The following TBCK variants were observed in gnomAD, a reference collection of about 807,000 sequenced individuals.
TBCK encodes the protein TBC1 domain containing kinase, also known as TBC domain-containing protein kinase-like protein.
TBCK carries 99 observed loss-of-function variants against 113.4 expected under a neutral mutation model. The ratio of observed to expected loss-of-function variants is 0.87; its 90% CI spans 0.74 to 1.03. The LOEUF is 1.03. Ranked by LOEUF, TBCK falls within the 50% of genes least tolerant of loss-of-function variation. TBCK has a pLI of 0.00. For synonymous variants in TBCK, 369 were observed against 370.8 expected (o/e 1.00, Z 0.05); for missense variants, 1,045 against 1,061.3 (o/e 0.98, Z 0.21).
At chr4:106,122,173 T>C (rs1406817045) in intron 23 of TBCK, among the ~76,000 whole-genome samples, 1 of 150,758 alleles carries the variant, frequency 6.6e-6, no homozygotes, top group African/African-American at 2.4e-5. Flanking sequence ...ATAGACACAA[T>C]AAAAAATGAT....
intron 3 of TBCK, among the ~76,000 whole-genome samples, chr4:106,265,423 T>C (rs1253096857): frequency 2.0e-5 from 3 of 151,954 alleles, no homozygotes; most frequent in Non-Finnish European, 4.4e-5. Context: ...GTACAATTAT[T>C]ATTGACTACA....
At chr4:106,237,131 T>A (rs1449562380) in intron 12 of TBCK, among the ~76,000 whole-genome samples, 1 of 151,890 alleles carries the variant, frequency 6.6e-6, no homozygotes, top group Non-Finnish European at 1.5e-5. Flanking sequence ...GGGAAAAAAA[T>A]TTTAAGTTAT....
intron 18 of TBCK, among the ~76,000 whole-genome samples, chr4:106,231,014 G>A (rs1579328038): frequency 6.6e-6 from 1 of 151,628 alleles, no homozygotes; most frequent in East Asian, 1.9e-4. Context: ...CATTTCTCTG[G>A]GATTATGCTA....
At chr4:106,316,498 C>T (rs1434704348), upstream of TBCK, 1 of 1,539,102 alleles carries the variant, frequency 6.5e-7, no homozygotes, top group Non-Finnish European at 8.8e-7. Context: ...AGCAAGGACA[C>T]CTCATTGGGT....
At chr4:106,206,153 T>C (rs1755472677) in intron 20 of TBCK, among the ~76,000 whole-genome samples, 2 of 152,172 alleles carry the variant, frequency 1.3e-5, no homozygotes, top group African/African-American at 2.4e-5. Context: ...GAGAGCAAAA[T>C]GTTTTAGAAC....
chr4:106,052,713 T>C (rs1734943971), intron 25 of TBCK, among the ~76,000 whole-genome samples: 1 of 151,748 alleles, frequency 6.6e-6, no homozygotes. Context: ...CTATCTTTAT[T>C]TCATGTCTTC....
intron 25 of TBCK, among the ~76,000 whole-genome samples, chr4:106,077,819 T>C (rs1738387999): frequency 6.6e-6 from 1 of 152,156 alleles, no homozygotes; most frequent in Non-Finnish European, 1.5e-5. Context: ...TAATAGACAC[T>C]ACAGAACACT....
intron 25 of TBCK, among the ~76,000 whole-genome samples, chr4:106,081,871 G>A (rs1342377966): frequency 6.6e-6 from 1 of 151,970 alleles, no homozygotes. Flanking sequence ...ATCACTAATC[G>A]TCAGTGAAAT....
chr4:106,107,557 C>A (rs1421066134), intron 24 of TBCK, among the ~76,000 whole-genome samples: 3 of 152,016 alleles, frequency 2.0e-5, no homozygotes, highest in African/African-American at 7.2e-5. Flanking sequence ...AAATAAAAGG[C>A]AGAAATCAAG....
At position 106,047,810 on chromosome 4, in the gene TBCK, C is replaced by T. The variant is rs1175697816; in HGVS notation, c.2572-1130G>A. Among the ~76,000 whole-genome samples, 3 of 152,144 alleles carry T rather than the reference C, an allele frequency of 2.0e-5. No individual in the cohort carries two copies. In the East Asian group the frequency reaches 5.8e-4, roughly 29 times the overall value. ...TGAAGTAAAGAAGTTTTTCTTTGGC[C>T]CTTTGCCTATTTTATCTCTGTTCCT... On this transcript the variant is annotated intron_variant, in intron 25 of 25. Transcript: ENST00000394708.
At chr4:106,094,298 C>T (rs1209279763) in intron 25 of TBCK, among the ~76,000 whole-genome samples, 1 of 152,014 alleles carries the variant, frequency 6.6e-6, no homozygotes, top group Non-Finnish European at 1.5e-5. Context: ...TTACCTTTAG[C>T]CAATATCAGA....
At chr4:106,176,154 G>A (rs1195894792) in intron 22 of TBCK, among the ~76,000 whole-genome samples, 3 of 152,000 alleles carry the variant, frequency 2.0e-5, no homozygotes, top group Non-Finnish European at 2.9e-5. Context: ...CTACCAATTC[G>A]AATATTTATT....
chr4:106,197,411 GTATATATA>G (rs1553957897), intron 20 of TBCK, among the ~76,000 whole-genome samples: 2 of 122,466 alleles, frequency 1.6e-5, no homozygotes, highest in East Asian at 4.6e-4. Flanking sequence ...GTGTGTGTGT[GTATATATA>G]TATATATATA....
At position 106,138,736 on chromosome 4, in the gene TBCK, AC is replaced by A. The variant is rs1471925257; in HGVS notation, c.2236-22359del. Among the ~76,000 whole-genome samples, 21 of 141,292 alleles carry A rather than the reference AC, an allele frequency of 1.5e-4. 2 individuals carry two copies. The highest frequency in any genetic ancestry group is 1.3e-3 in the Admixed American group (19 of 14,266). 92.7% of individuals were successfully genotyped at this position (141,292 alleles called of 152,430 possible). ...TCCAGAAATAATTATTTAAAATAAAACCAGAACCAGGTAAGTTTCCTACACT... is the reference window on the plus strand; with the variant it reads ...TCCAGAAATAATTATTTAAAATAAAACAGAACCAGGTAAGTTTCCTACACT... On this transcript the variant is annotated intron_variant, in intron 23 of 25. Coordinates refer to ENST00000394708, the MANE Select transcript of TBCK (RefSeq NM_001163435.3).
intron 14 of TBCK, 86 bp downstream of exon 14, chr4:106,236,301 TTAC>T: frequency 1.0e-6 from 1 of 965,018 alleles, no homozygotes; most frequent in Non-Finnish European, 1.4e-6. Context: ...AATCTTCTTA[TTAC>T]TCAAGATTCC....
intron 23 of TBCK, among the ~76,000 whole-genome samples, chr4:106,158,557 T>C (rs1215711925): frequency 6.6e-6 from 1 of 152,098 alleles, no homozygotes; most frequent in Non-Finnish European, 1.5e-5. Context: ...CTAAATGAAG[T>C]AGTTAAGTTC....
intron 25 of TBCK, among the ~76,000 whole-genome samples, chr4:106,052,830 ATTGTAAC>A (rs1734957800): frequency 6.6e-6 from 1 of 151,696 alleles, no homozygotes; most frequent in Non-Finnish European, 1.5e-5. Context: ...AGCTTCAACA[ATTGTAAC>A]TTGTAGCTAA....
chr4:106,199,660 G>A (rs1754659639), intron 20 of TBCK, among the ~76,000 whole-genome samples: 1 of 152,080 alleles, frequency 6.6e-6, no homozygotes, highest in Admixed American at 6.5e-5. Flanking sequence ...TCAGTTAGAA[G>A]CAACTCTATC....
chr4:106,096,490 C>CT (rs1740921819), intron 24 of TBCK, among the ~76,000 whole-genome samples: 1 of 152,068 alleles, frequency 6.6e-6, no homozygotes, highest in Non-Finnish European at 1.5e-5. Flanking sequence ...AACATCTTTC[C>CT]TTTTTTTAGT....
Sources: gnomAD v4.1 joint callset for allele counts (sites outside exome capture counted in the v4.1 genomes callset) on GRCh38, gnomAD v4.1.1 for gene constraint, MANE v1.5 for transcripts, NCBI Gene and HGNC (gene_info 2026-07-23, HGNC 2026-07-21) for gene names.